The following NLGN1 variants were observed in gnomAD, a reference collection of about 807,000 sequenced individuals.
NLGN1 encodes the protein neuroligin-1.
Under a neutral mutation model 65.5 loss-of-function variants are expected in NLGN1, and 12 were observed. The observed-to-expected ratio is 0.18, with a 90% CI of 0.12 to 0.30. NLGN1 has a LOEUF of 0.30. NLGN1 is among the 10% of genes least tolerant of loss of function. The pLI is 1.00. For synonymous variants in NLGN1, 350 were observed against 359.5 expected, an observed-to-expected ratio of 0.97 and a Z score of 0.30; for missense variants, 750 against 1,007.1, an observed-to-expected ratio of 0.74 and a Z score of 3.46.
At chr3:174,255,088 G>A (rs1228104533) in intron 4 of NLGN1, among the ~76,000 whole-genome samples, 1 of 151,368 alleles carries the variant, frequency 6.6e-6, no homozygotes, top group East Asian at 1.9e-4. Flanking sequence ...GATTAAACTG[G>A]GTGTTTAGAG....
chr3:173,666,545 G>T (rs148028945), intron 3 of NLGN1, among the ~76,000 whole-genome samples: 130 of 152,206 alleles, frequency 8.5e-4, no homozygotes, highest in Middle Eastern at 3.4e-3. Flanking sequence ...TTAATCAGAG[G>T]ATGTCAGAGT....
intron 2 of NLGN1, among the ~76,000 whole-genome samples, chr3:173,543,716 C>A (rs949583294): frequency 6.6e-6 from 1 of 151,940 alleles, no homozygotes; most frequent in Admixed American, 6.6e-5. Context: ...TTTATATGTG[C>A]AATTTAAATT....
intron 4 of NLGN1, among the ~76,000 whole-genome samples, chr3:174,107,509 G>A (rs1168324753): frequency 6.6e-6 from 1 of 152,070 alleles, no homozygotes; most frequent in Non-Finnish European, 1.5e-5. Flanking sequence ...ATAGAATGAT[G>A]TACCATAGTT....
chr3:173,497,464 C>T (rs921790051), intron 2 of NLGN1, among the ~76,000 whole-genome samples: 11 of 151,554 alleles, frequency 7.3e-5, no homozygotes, highest in South Asian at 2.1e-4. Flanking sequence ...AGTAAACTAG[C>T]ATTATCAGCT....
intron 2 of NLGN1, among the ~76,000 whole-genome samples, chr3:173,555,775 C>T (rs1427313240): frequency 6.6e-6 from 1 of 152,150 alleles, no homozygotes; most frequent in Non-Finnish European, 1.5e-5. Context: ...AGCAAATGCT[C>T]CCAGCCCCTT....
chr3:174,173,429 A>G (rs528710056), intron 4 of NLGN1, among the ~76,000 whole-genome samples: 4 of 152,120 alleles, frequency 2.6e-5, no homozygotes, highest in South Asian at 4.1e-4. Context: ...TTTCAGTGTG[A>G]TATTAGCTAT....
chr3:173,932,755 A>AAGAG (rs1744333922), intron 4 of NLGN1, among the ~76,000 whole-genome samples: 1 of 152,116 alleles, frequency 6.6e-6, no homozygotes, highest in South Asian at 2.1e-4. Flanking sequence ...TAAAGTGTTC[A>AAGAG]GCCCTCTTGA....
At chr3:173,590,408 G>T in intron 2 of NLGN1, among the ~76,000 whole-genome samples, 1 of 152,136 alleles carries the variant, frequency 6.6e-6, no homozygotes, top group Admixed American at 6.5e-5. Context: ...GTTATTTCAC[G>T]CCACGGTCTT....
At chr3:173,666,452 T>C (rs1502489) in intron 3 of NLGN1, among the ~76,000 whole-genome samples, 17,019 of 152,138 alleles carry the variant, frequency 0.11, 998 homozygotes, top group Middle Eastern at 0.27. Flanking sequence ...GTTGAAAAAA[T>C]GCCTAATGTA....
chr3:173,670,884 A>G (rs1464644281), intron 3 of NLGN1, among the ~76,000 whole-genome samples: 1 of 152,246 alleles, frequency 6.6e-6, no homozygotes, highest in African/African-American at 2.4e-5. Flanking sequence ...CTATAAATCC[A>G]GATATACAAA....
At chr3:173,909,991 T>G (rs2152218058) in intron 4 of NLGN1, among the ~76,000 whole-genome samples, 1 of 152,322 alleles carries the variant, frequency 6.6e-6, no homozygotes, top group South Asian at 2.1e-4. Flanking sequence ...ACAACATTTC[T>G]TATAGTGAAG....
At chr3:173,916,955 G>C (rs1165343471) in intron 4 of NLGN1, among the ~76,000 whole-genome samples, 1 of 152,136 alleles carries the variant, frequency 6.6e-6, no homozygotes, top group Admixed American at 6.6e-5. Flanking sequence ...GTAAATGTGG[G>C]TGTTTTGTTT....
At chr3:173,914,407 T>C (rs900351861) in intron 4 of NLGN1, among the ~76,000 whole-genome samples, 1 of 152,022 alleles carries the variant, frequency 6.6e-6, no homozygotes, top group Non-Finnish European at 1.5e-5. Flanking sequence ...ATGAAGCATG[T>C]GAAGCATGGA....
chr3:173,959,650 A>G (rs1713052032), intron 4 of NLGN1, among the ~76,000 whole-genome samples: 2 of 152,220 alleles, frequency 1.3e-5, no homozygotes, highest in Admixed American at 1.3e-4. Flanking sequence ...ACTTTGCAAT[A>G]GATTCAATTT....
chr3:173,929,631 T>C (rs1310891756), intron 4 of NLGN1, among the ~76,000 whole-genome samples: 1 of 150,980 alleles, frequency 6.6e-6, no homozygotes, highest in Admixed American at 6.6e-5. Flanking sequence ...AAATATTTTC[T>C]GAGAGAAACA....
Position 173,657,139 on chromosome 3 carries a change from A to G in NLGN1, c.493+52048A>G, listed in dbSNP as rs548376823. ...GTTAGGCATAGAACTTTGGGATCTC[A>G]TGGTGTGTTTAACTCCCGAATTTCA... On this transcript the variant is annotated intron_variant, in intron 3 of 6. Coordinates refer to ENST00000457714, the Ensembl canonical transcript of NLGN1. Among the ~76,000 whole-genome samples, 62 of 152,062 alleles carry G rather than the reference A, an allele frequency of 4.1e-4. No homozygotes were observed. The South Asian group carries it at 0.011, about 28-fold the overall frequency.
Position 174,026,760 on chromosome 3 carries a change from T to G in NLGN1, c.646+218928T>G, listed in dbSNP as rs115436569. ...GAATGGTTAGCCTAATTCTCTGCAC[T>G]TGAGGTCCAACAAGCAAACAAAACC... On this transcript the variant is annotated intron_variant, in intron 4 of 6. Coordinates refer to ENST00000457714, the Ensembl canonical transcript of NLGN1. Among the ~76,000 whole-genome samples the G allele has an allele frequency of 5.1e-3, 769 of 152,268 alleles. 10 individuals are homozygous for G. The highest frequency in any genetic ancestry group is 0.018 in the African/African-American group (735 of 41,544).
chr3:174,088,573 T>G (rs1159996338), intron 4 of NLGN1, among the ~76,000 whole-genome samples: 1 of 151,608 alleles, frequency 6.6e-6, no homozygotes, highest in Admixed American at 6.6e-5. Flanking sequence ...TGGCTAACAG[T>G]GAAACCCCGT....
intron 3 of NLGN1, among the ~76,000 whole-genome samples, chr3:173,651,147 G>A (rs1005227827): frequency 2.6e-5 from 4 of 151,654 alleles, no homozygotes; most frequent in East Asian, 1.9e-4. Context: ...ATGTCTACAC[G>A]CTGTTTAGCT....
Sources: gnomAD v4.1 joint callset for allele counts (sites outside exome capture counted in the v4.1 genomes callset) on GRCh38, gnomAD v4.1.1 for gene constraint, MANE v1.5 for transcripts, NCBI Gene and HGNC (gene_info 2026-07-23, HGNC 2026-07-21) for gene names.